Variants in ITGAX observed in about 807,000 individuals in gnomAD.
ITGAX encodes the protein integrin subunit alpha X.
In ITGAX, 99 loss-of-function variants were observed where a neutral mutation model predicts 140.2. That is an observed-to-expected ratio of 0.71 (90% CI 0.60 to 0.83). ITGAX has a LOEUF of 0.83. Ranked by LOEUF, ITGAX falls within the 40% of genes least tolerant of loss-of-function variation. The probability of loss-of-function intolerance (pLI) is 0.00; values close to 1 mark genes in which losing one functional copy is unlikely to be tolerated. For missense variants in ITGAX, 1,444 were observed against 1,482.0 expected (o/e 0.97, Z 0.42); for synonymous variants, 631 against 600.4 (o/e 1.05, Z -0.75).
chr16:31,369,506 G>A (rs1597074697), intron 14 of ITGAX, among the ~76,000 whole-genome samples: 6 of 152,288 alleles, frequency 3.9e-5, no homozygotes, highest in African/African-American at 1.4e-4. Context: ...ACTTCCTCAC[G>A]GTCTTATTTT....
In ITGAX at chr16:31,382,228, CTTTTTTTTTT is replaced by C; in HGVS notation, c.*327_*336del. 2 of 902,772 alleles carry C rather than the reference CTTTTTTTTTT, an allele frequency of 2.2e-6. No individual in the cohort carries two copies. The highest frequency in any genetic ancestry group is 2.8e-6 in the Non-Finnish European group (2 of 702,490). 55.9% of individuals were successfully genotyped at this position (902,772 alleles called of 1,614,324 possible). ...GGCACGAATGATCTTTCTTTCCTTT[CTTTTTTTTTT>C]TTTTTCTTTTCTTTTTTTTTTTTTT... On this transcript the variant is annotated 3_prime_UTR_variant, in exon 30 of 30. Coordinates refer to ENST00000268296, the MANE Select transcript of ITGAX (RefSeq NM_000887.5).
At chr16:31,370,971 A>C in intron 14 of ITGAX, 113 bp from the exon 15 acceptor site, 2 of 1,347,824 alleles carry the variant, frequency 1.5e-6, no homozygotes, top group Non-Finnish European at 1.0e-6. Flanking sequence ...TCTGTTCACA[A>C]CTCACCCCTT....
chr16:31,365,014 C>T (rs769565406), intron 14 of ITGAX, among the ~76,000 whole-genome samples: 9 of 142,676 alleles, frequency 6.3e-5, no homozygotes, highest in Non-Finnish European at 1.4e-4. Context: ...AGCAAAACTC[C>T]GTCTCGAACA....
intron 20 of ITGAX, among the ~76,000 whole-genome samples, chr16:31,373,734 T>C (rs1398719113): frequency 2.6e-5 from 4 of 152,234 alleles, no homozygotes; most frequent in Non-Finnish European, 4.4e-5. Context: ...CACTCTACAT[T>C]AAGGCTTGGC....
chr16:31,371,867 C>T, intron 17 of ITGAX, 83 bp downstream of exon 17: 1 of 1,512,866 alleles, frequency 6.6e-7, no homozygotes, highest in African/African-American at 1.4e-5. Flanking sequence ...TGTGTTCCGG[C>T]CTCCCTGTGG....
intron 14 of ITGAX, among the ~76,000 whole-genome samples, chr16:31,366,646 G>A (rs958363434): frequency 2.6e-5 from 4 of 152,218 alleles, no homozygotes; most frequent in Admixed American, 2.6e-4. Flanking sequence ...CTTCTGAGTA[G>A]CTGGCATTAC....
At chr16:31,357,159 C>CGGGG in intron 4 of ITGAX, 58 bp downstream of exon 4, 1 of 1,568,378 alleles carries the variant, frequency 6.4e-7, no homozygotes, top group Non-Finnish European at 8.7e-7. Flanking sequence ...GCCGGGGCCG[C>CGGGG]GGGGGGCTGG....
At chr16:31,355,420 A>G in intron 1 of ITGAX, 129 bp downstream of exon 1, 1 of 941,970 alleles carries the variant, frequency 1.1e-6, no homozygotes, top group Non-Finnish European at 1.6e-6. Context: ...CCTGAGGGGG[A>G]GGCAGGCACA....
Position 31,381,012 on chromosome 16 carries a change from G to A in ITGAX, c.3387+5G>A, listed in dbSNP as rs749900410. The A allele has an allele frequency of 4.3e-5, 69 of 1,608,250 alleles. 1 individual carries two copies. The highest frequency in any genetic ancestry group is 4.3e-6 in the Non-Finnish European group (5 of 1,174,822). ...ATCACAGCGGTACTGTACAAAGTGAGTGTTTTATGCCACTCTTGACACCAC... is the reference window on the plus strand; with the variant it reads ...ATCACAGCGGTACTGTACAAAGTGAATGTTTTATGCCACTCTTGACACCAC... On this transcript the variant is annotated splice_donor_5th_base_variant and intron_variant, in intron 29 of 29. Transcript: ENST00000268296.
At chr16:31,368,149 G>T (rs377495858) in intron 14 of ITGAX, among the ~76,000 whole-genome samples, 1 of 142,930 alleles carries the variant, frequency 7.0e-6, no homozygotes, top group Non-Finnish European at 1.5e-5. Flanking sequence ...GAAAGAAAGT[G>T]TTTTTTTTTT....
Position 31,380,742 on chromosome 16 carries a change from G to A in ITGAX, c.3276+118G>A, listed in dbSNP as rs2081061707. The A allele has an allele frequency of 3.7e-6, 5 of 1,369,640 alleles. No individual in the cohort carries two copies. The Admixed American group carries it at 9.2e-5, about 25-fold the overall frequency. The allele number at this position is 1,369,640 out of a possible 1,614,324, so 84.8% of individuals were successfully genotyped here. On this transcript the variant is annotated intron_variant, in intron 28 of 29. Transcript: ENST00000268296. Reference sequence around the variant, plus strand: ...GGAGGAGGGCGAAGGCCTCTGGGCAGGATAGCTGTCCCTAAGGGCACGGGT... The same window carrying A: ...GGAGGAGGGCGAAGGCCTCTGGGCAAGATAGCTGTCCCTAAGGGCACGGGT...
At position 31,355,307 on chromosome 16, in the gene ITGAX, A is replaced by G. The variant is rs1451425017; in HGVS notation, c.37+16A>G. On this transcript the variant is annotated intron_variant, in intron 1 of 29. Coordinates refer to ENST00000268296, the MANE Select transcript of ITGAX (RefSeq NM_000887.5). ...CTGTTCACAGGTGAGCCTGGACCCC[A>G]ATGAAGTAGGGCTGGGGACCCAGGC... is the stretch of plus-strand genomic sequence containing the variant. The G allele has an allele frequency of 6.2e-7, 1 of 1,613,370 alleles. No individual in the cohort carries two copies. Among genetic ancestry groups the G allele is most frequent in the East Asian group, 2.2e-5 (1 of 44,876 alleles).
chr16:31,362,852 T>A, intron 12 of ITGAX, 83 bp from the exon 13 acceptor site: 1 of 1,606,076 alleles, frequency 6.2e-7, no homozygotes, highest in African/African-American at 1.3e-5. Context: ...GGGGAGGTCC[T>A]GGTACCTGGG....
intron 9 of ITGAX, chr16:31,361,624 G>A: frequency 1.4e-6 from 1 of 729,018 alleles, no homozygotes; most frequent in Non-Finnish European, 2.4e-6. Flanking sequence ...CCCTGATGAG[G>A]ACCAGATCGG....
Position 31,357,264 on chromosome 16 carries a change from C to T in ITGAX, c.330C>T (p.Pro110=). 1 of 1,604,616 alleles carries T rather than the reference C, an allele frequency of 6.2e-7. No homozygotes were observed. Among genetic ancestry groups the T allele is most frequent in the Non-Finnish European group, 8.5e-7 (1 of 1,176,120 alleles). Residue 110 remains proline (P), a synonymous_variant, in exon 5 of 30, where the codon CCC becomes CCT. Coordinates refer to ENST00000268296, the MANE Select transcript of ITGAX (RefSeq NM_000887.5). The part of the protein sequence containing the change: ...TSPSQLLACG[P]TVHHECGRNM... ...CGCTGTGTCCCCAGGCCTGCGGCCC[C>T]ACCGTGCACCACGAGTGCGGGAGGA...
chr16:31,360,145 G>T, intron 7 of ITGAX, 80 bp downstream of exon 7: 1 of 1,564,012 alleles, frequency 6.4e-7, no homozygotes, highest in Non-Finnish European at 8.7e-7. Context: ...ACGAGAAGGG[G>T]ACAGGCAGGG....
In ITGAX at chr16:31,373,271, A is replaced by G. The variant is rs747083807; in HGVS notation, c.2389A>G (p.Ser797Gly). The change falls in exon 20 of 30, where the codon AGT (serine) becomes GGT (glycine). Residue 797 changes from serine (S) to glycine (G), a missense_variant. By Grantham distance (56) the Ser-to-Gly change is moderately conservative. Coordinates refer to ENST00000268296, the MANE Select transcript of ITGAX (RefSeq NM_000887.5). ...CAGCTTGAAGTCCCTGCTGGTGGGG[A>G]GTAACCTGGAGCTGAACGCAGAAGT... ...FPGLKSLLVG[S>G]NLELNAEVMV... The G allele has an allele frequency of 1.2e-6, 2 of 1,605,748 alleles. No homozygotes were observed. The highest frequency in any genetic ancestry group is 3.4e-5 in the Admixed American group (2 of 59,598).
At chr16:31,362,267 T>C in intron 11 of ITGAX, 63 bp downstream of exon 11, 2 of 1,599,160 alleles carry the variant, frequency 1.3e-6, no homozygotes, top group Non-Finnish European at 1.7e-6. Context: ...GGGTCCAGGG[T>C]TCTGGGGAAG....
At position 31,380,965 on chromosome 16, in the gene ITGAX, G is replaced by A; in HGVS notation, c.3345G>A (p.Gly1115=). ...CCCTCATCGTAGGCAGCTCCATTGG[G>A]GGTCTGTTGCTGCTGGCACTCATCA... The part of the protein sequence containing the change: ...PTPLIVGSSI[G]GLLLLALITA... The change falls in exon 29 of 30, where the codon GGG becomes GGA. Residue 1115 remains glycine (G), a synonymous_variant. Coordinates refer to ENST00000268296, the MANE Select transcript of ITGAX (RefSeq NM_000887.5). 6.2e-7 allele frequency: 1 copy of A among 1,614,148 alleles called. No homozygotes were observed. The highest frequency in any genetic ancestry group is 8.5e-7 in the Non-Finnish European group (1 of 1,180,024).
Sources: gnomAD v4.1 joint callset for allele counts (sites outside exome capture counted in the v4.1 genomes callset) on GRCh38, gnomAD v4.1.1 for gene constraint, MANE v1.5 for transcripts, NCBI Gene and HGNC (gene_info 2026-07-23, HGNC 2026-07-21) for gene names.